The following SLC33A1 variants were observed in gnomAD, a reference collection of about 807,000 sequenced individuals.
The protein encoded by SLC33A1 is acetyl-coenzyme A transporter 1.
A neutral mutation model predicts 50.0 loss-of-function variants in SLC33A1; 20 were observed. The observed-to-expected ratio is 0.40, with a 90% CI of 0.28 to 0.58. The LOEUF (loss-of-function observed/expected upper bound fraction) is 0.58, where lower values mean the gene tolerates loss of function less well. Ranked by LOEUF, SLC33A1 falls within the 20% of genes least tolerant of loss-of-function variation. SLC33A1 has a pLI of 0.44. For synonymous variants in SLC33A1, 265 were observed against 251.8 expected (o/e 1.05, Z -0.50); for missense variants, 476 against 657.0 (o/e 0.72, Z 3.01).
At chr3:155,842,347 C>A in intron 2 of SLC33A1, 85 bp downstream of exon 2, 2 of 771,092 alleles carry the variant, frequency 2.6e-6, no homozygotes, top group Non-Finnish European at 4.4e-6. Flanking sequence ...TGGAAAGGGA[C>A]CTGTGATATG....
intron 1 of SLC33A1, among the ~76,000 whole-genome samples, chr3:155,844,014 A>G (rs895797754): frequency 2.1e-4 from 32 of 152,148 alleles, no homozygotes; most frequent in African/African-American, 7.2e-4. Flanking sequence ...ATGTGGCACA[A>G]CTGATCAAGG....
Position 155,851,674 on chromosome 3 carries a change from T to C in SLC33A1, c.775+1549A>G, listed in dbSNP as rs1421887750. 2.0e-5 allele frequency among the ~76,000 whole-genome samples: 3 copies of C among 152,070 alleles called. No homozygotes were observed. The East Asian group carries it at 5.8e-4, about 29-fold the overall frequency. ...CTCAAGTGATCCTCCCACCTCAGCC[T>C]CCCAAAGTGCTGGGATTACAGGTGT... is the stretch of plus-strand genomic sequence containing the variant. On this transcript the variant is annotated intron_variant, in intron 1 of 5. Transcript: ENST00000643144.
In SLC33A1 at chr3:155,821,272, T is replaced by G. The variant is rs1356574665; in HGVS notation, c.*6938A>C. ...AAAAGTGGTAACAGAAATGATTGTG[T>G]GCTGTGTATCTCTAATTCAAACTTG... is the stretch of plus-strand genomic sequence containing the variant. On this transcript the variant is annotated 3_prime_UTR_variant, in exon 6 of 6. Coordinates refer to ENST00000643144, the MANE Select transcript of SLC33A1 (RefSeq NM_004733.4). 1 of 152,222 alleles carries G rather than the reference T, an allele frequency of 6.6e-6. No homozygotes were observed. The highest frequency in any genetic ancestry group is 1.5e-5 in the Non-Finnish European group (1 of 68,044). 9.4% of individuals were successfully genotyped at this position (152,222 alleles called of 1,614,324 possible).
chr3:155,844,447 ATATATATATATTTTTTTTTTT>A (rs1432899839), intron 1 of SLC33A1, among the ~76,000 whole-genome samples: 8 of 29,176 alleles, frequency 2.7e-4, no homozygotes, highest in African/African-American at 1.3e-3. Context: ...ATATATATAT[ATATATATATATTTTTTTTTTT>A]TTTTTTTTTT....
chr3:155,833,280 CT>C (rs564931775), intron 4 of SLC33A1, among the ~76,000 whole-genome samples, 187 bp downstream of exon 4: 1 of 152,070 alleles, frequency 6.6e-6, no homozygotes. Flanking sequence ...ATAAAAAAGT[CT>C]CTTTCTATGA....
Position 155,853,575 on chromosome 3 carries a change from T to C in SLC33A1, c.423A>G (p.Lys141=), listed in dbSNP as rs1240567739. The change falls in exon 1 of 6, where the codon AAA becomes AAG. Residue 141 remains lysine, a synonymous_variant. Coordinates refer to ENST00000643144, the MANE Select transcript of SLC33A1 (RefSeq NM_004733.4). ...AVYVKNFGRR[K]SWLVPTQYIL... is the part of the protein sequence containing the mutation. Reference sequence around the variant, plus strand: ...TATACTGTGTCGGGACAAGCCAAGATTTGCGACGACCGAAGTTCTTAACGT... The same window carrying C: ...TATACTGTGTCGGGACAAGCCAAGACTTGCGACGACCGAAGTTCTTAACGT... 6.2e-7 allele frequency: 1 copy of C among 1,614,116 alleles called. No homozygotes were observed. The highest frequency in any genetic ancestry group is 1.1e-5 in the South Asian group (1 of 91,082).
Position 155,842,586 on chromosome 3 carries a change from A to G in SLC33A1, c.809T>C (p.Ile270Thr). 1 of 1,585,908 alleles carries G rather than the reference A, an allele frequency of 6.3e-7. No homozygotes were observed. Among genetic ancestry groups the G allele is most frequent in the Non-Finnish European group, 8.6e-7 (1 of 1,165,270 alleles). The change falls in exon 2 of 6, where the codon ATA (isoleucine) becomes ACA (threonine). Residue 270 changes from isoleucine (I) to threonine (T), a missense_variant. Ile to Thr is a moderately conservative substitution (Grantham distance 89). Transcript: ENST00000643144. The part of the protein sequence containing the change: ...FLFFWGTVFL[I>T]TTTLVALLKK... ...CAGAAGGGCAACCAATGTTGTTGTT[A>G]TTAAAAATACAGTTCCCCAGAAAAA...
In SLC33A1 at chr3:155,830,236, G is replaced by A. The variant is rs1188937425; in HGVS notation, c.1267-333C>T. Among the ~76,000 whole-genome samples, 22 of 151,848 alleles carry A rather than the reference G, an allele frequency of 1.4e-4. No homozygotes were observed. In the South Asian group the frequency reaches 2.1e-3, roughly 14 times the overall value. ...AAAAAAAAAAAAAATAGCCGGATGTGGTGGCAGGCGCCTGTAGTCCCAGCT... is the reference window on the plus strand; with the variant it reads ...AAAAAAAAAAAAAATAGCCGGATGTAGTGGCAGGCGCCTGTAGTCCCAGCT... On this transcript the variant is annotated intron_variant, in intron 4 of 5. Coordinates refer to ENST00000643144, the MANE Select transcript of SLC33A1 (RefSeq NM_004733.4).
In SLC33A1 at chr3:155,854,080, G is replaced by T; in HGVS notation, c.-83C>A. ...GTCCAGTCCCAGGTCCAAGGCTGTC[G>T]CGCTGGACCAGGGTTTCGGTGGTTC... On this transcript the variant is annotated 5_prime_UTR_variant, in exon 1 of 6. Transcript: ENST00000643144. 1 of 1,191,214 alleles carries T rather than the reference G, an allele frequency of 8.4e-7. No homozygotes were observed. Among genetic ancestry groups the T allele is most frequent in the South Asian group, 1.8e-5 (1 of 57,132 alleles). The allele number at this position is 1,191,214 out of a possible 1,614,324, so 73.8% of individuals were successfully genotyped here.
Position 155,833,512 on chromosome 3 carries a change from T to G in SLC33A1, c.1222A>C (p.Ile408Leu). 1 of 1,601,706 alleles carries G rather than the reference T, an allele frequency of 6.2e-7. No individual in the cohort carries two copies. The highest frequency in any genetic ancestry group is 8.6e-7 in the Non-Finnish European group (1 of 1,168,818). ...AGCAGGACTACGATATAGTAATATA[T>G]AGGGAATCCCCCTTGATGTTCTACT... is the stretch of plus-strand genomic sequence containing the variant. Reference protein sequence around the residue: ...PKVEHQGGFPIYYYIVVLLSY... With the variant: ...PKVEHQGGFPLYYYIVVLLSY... The change falls in exon 4 of 6, where the codon ATA becomes CTA. Residue 408 changes from isoleucine (I) to leucine (L), a missense_variant. Transcript: ENST00000643144.
intron 2 of SLC33A1, among the ~76,000 whole-genome samples, chr3:155,840,120 ACT>A (rs1206203518): frequency 2.0e-5 from 3 of 151,130 alleles, no homozygotes; most frequent in African/African-American, 7.3e-5. Flanking sequence ...ATGGAGTCTC[ACT>A]CTGTCACCCA....
intron 1 of SLC33A1, among the ~76,000 whole-genome samples, chr3:155,851,039 C>G (rs1753378981): frequency 6.6e-6 from 1 of 151,854 alleles, no homozygotes; most frequent in Non-Finnish European, 1.5e-5. Flanking sequence ...ATCAGGAGAT[C>G]GAGACCATCC....
In SLC33A1 at chr3:155,825,327, A is replaced by AT. The variant is rs1752176146; in HGVS notation, c.*2882_*2883insA. ...ACCATGCCTGGATAATTAAAAAAAAAAAAGAAGTCATAAAGACAGGTTCTT... is the reference window on the plus strand; with the variant it reads ...ACCATGCCTGGATAATTAAAAAAAAATAAAGAAGTCATAAAGACAGGTTCTT... On this transcript the variant is annotated 3_prime_UTR_variant, in exon 6 of 6. Coordinates refer to ENST00000643144, the MANE Select transcript of SLC33A1 (RefSeq NM_004733.4). 6.6e-6 allele frequency: 1 copy of AT among 152,002 alleles called. No homozygotes were observed. The highest frequency in any genetic ancestry group is 1.5e-5 in the Non-Finnish European group (1 of 68,012). 9.4% of individuals were successfully genotyped at this position (152,002 alleles called of 1,614,324 possible).
At chr3:155,831,151 T>C (rs1752413074) in intron 4 of SLC33A1, among the ~76,000 whole-genome samples, 1 of 151,942 alleles carries the variant, frequency 6.6e-6, no homozygotes, top group African/African-American at 2.4e-5. Context: ...AGGGAATAGG[T>C]GTTCACTTAA....
In SLC33A1 at chr3:155,854,272, G is replaced by C. The variant is rs1041275927; in HGVS notation, c.-275C>G. 3 of 336,046 alleles carry C rather than the reference G, an allele frequency of 8.9e-6. No homozygotes were observed. The highest frequency in any genetic ancestry group is 6.3e-5 in the African/African-American group (3 of 47,432). 20.8% of individuals were successfully genotyped at this position (336,046 alleles called of 1,614,324 possible). A position where few individuals can be genotyped will look rare whatever the true frequency, so the allele number is the denominator to read the frequency against. On this transcript the variant is annotated 5_prime_UTR_variant, in exon 1 of 6. Coordinates refer to ENST00000643144, the MANE Select transcript of SLC33A1 (RefSeq NM_004733.4). The stretch of plus-strand genomic sequence containing the variant: ...GGAGACCCCCGGGCAGCAGCGCCGG[G>C]CTCGAGGCTGGAGGTGTGTGCCGTG...
chr3:155,835,668 G>A (rs1452602236), intron 2 of SLC33A1, among the ~76,000 whole-genome samples: 2 of 152,130 alleles, frequency 1.3e-5, no homozygotes, highest in African/African-American at 4.8e-5. Context: ...AAATTAGGGT[G>A]GGGGCTGCCA....
chr3:155,831,222 C>T lies in SLC33A1; in HGVS notation c.1267-1319G>A, dbSNP rs562767123. On this transcript the variant is annotated intron_variant, in intron 4 of 5. Transcript: ENST00000643144. ...CTATAATCCCAGCACTTTGGAAGGC[C>T]GAGGTGGGCGGATCACCTGAGGTCA... Among the ~76,000 whole-genome samples the T allele has an allele frequency of 1.2e-3, 178 of 151,798 alleles. 1 individual carries two copies. The highest frequency in any genetic ancestry group is 3.4e-3 in the Middle Eastern group (1 of 294).
At chr3:155,841,631 T>C (rs981130997) in intron 2 of SLC33A1, among the ~76,000 whole-genome samples, 24 of 152,146 alleles carry the variant, frequency 1.6e-4, no homozygotes, top group Admixed American at 6.6e-5. Flanking sequence ...AGAATAAAAG[T>C]CACCAGTAAT....
At chr3:155,835,784 C>T (rs985897981) in intron 2 of SLC33A1, among the ~76,000 whole-genome samples, 9 of 152,092 alleles carry the variant, frequency 5.9e-5, no homozygotes, top group African/African-American at 2.2e-4. Context: ...AAACCCCTTG[C>T]ATTTCACCAC....
Sources: gnomAD v4.1 joint callset for allele counts (sites outside exome capture counted in the v4.1 genomes callset) on GRCh38, gnomAD v4.1.1 for gene constraint, MANE v1.5 for transcripts, NCBI Gene and HGNC (gene_info 2026-07-23, HGNC 2026-07-21) for gene names.